Variants in OC90 observed in about 807,000 individuals in gnomAD.
OC90 encodes the protein otoconin 90, also known as otoconin-90.
A neutral mutation model predicts 47.3 loss-of-function variants in OC90; 46 were observed. The ratio of observed to expected loss-of-function variants is 0.97; its 90% CI spans 0.77 to 1.24. The LOEUF is 1.24. OC90 is among the 50% of genes most tolerant of loss of function. The probability of loss-of-function intolerance (pLI) is 0.00; values close to 1 mark genes in which losing one functional copy is unlikely to be tolerated. For synonymous variants in OC90, 271 were observed against 219.5 expected, an observed-to-expected ratio of 1.23 and a Z score of -2.07; for missense variants, 688 against 583.9, an observed-to-expected ratio of 1.18 and a Z score of -1.84.
In OC90 at chr8:132,037,464, G is replaced by A. The variant is rs374377948; in HGVS notation, c.653C>T (p.Thr218Ile). The change falls in exon 9 of 14, where the codon ACC becomes ATC. Residue 218 changes from threonine (T) to isoleucine (I), a missense_variant. Thr to Ile is a moderately conservative substitution (Grantham distance 89). Transcript: ENST00000254627. The part of the protein sequence containing the change: ...PRVVPVEPTD[T>I]SLTALSGEEA... Reference sequence around the variant, plus strand: ...TTCTCCTGAAAGGGCTGTCAGGCTGGTGTCTGTGGGCTCCACAGGAACCAC... The same window carrying A: ...TTCTCCTGAAAGGGCTGTCAGGCTGATGTCTGTGGGCTCCACAGGAACCAC... The A allele has an allele frequency of 5.7e-6, 9 of 1,582,376 alleles. No individual in the cohort carries two copies. The highest frequency in any genetic ancestry group is 2.7e-5 in the African/African-American group (2 of 74,368).
intron 11 of OC90, 60 bp downstream of exon 11, chr8:132,032,979 T>C: frequency 6.4e-7 from 1 of 1,568,530 alleles, no homozygotes; most frequent in Admixed American, 1.8e-5. Context: ...CTACGGTGAT[T>C]GTTCACAGCC....
chr8:132,029,519 C>T (rs190460553), intron 12 of OC90, among the ~76,000 whole-genome samples: 22 of 152,224 alleles, frequency 1.4e-4, no homozygotes, highest in Non-Finnish European at 2.4e-4. Context: ...GAAATAGAGT[C>T]TTAAGGAAGG....
At chr8:132,024,844 C>A in intron 13 of OC90, 68 bp from the exon 14 acceptor site, 1 of 1,371,838 alleles carries the variant, frequency 7.3e-7, no homozygotes, top group East Asian at 2.4e-5. Flanking sequence ...CCCCACGGCC[C>A]TGGCCACCCC....
intron 4 of OC90, among the ~76,000 whole-genome samples, chr8:132,042,888 T>C (rs894716637): frequency 1.3e-5 from 2 of 152,214 alleles, no homozygotes; most frequent in African/African-American, 4.8e-5. Flanking sequence ...ATAGAACTGC[T>C]ATTTGACCCA....
intron 1 of OC90, among the ~76,000 whole-genome samples, chr8:132,056,330 G>T (rs776146550): frequency 5.9e-5 from 9 of 152,198 alleles, no homozygotes; most frequent in Non-Finnish European, 1.3e-4. Context: ...CTGTGAGCAA[G>T]GCTTGGTATT....
chr8:132,037,038 C>G (rs1563730422), intron 9 of OC90, among the ~76,000 whole-genome samples: 1 of 152,206 alleles, frequency 6.6e-6, no homozygotes, highest in South Asian at 2.1e-4. Flanking sequence ...GAATGATAGA[C>G]TAGCTCTCAG....
At chr8:132,055,732 T>G (rs1823272457) in intron 1 of OC90, among the ~76,000 whole-genome samples, 1 of 152,146 alleles carries the variant, frequency 6.6e-6, no homozygotes, top group Non-Finnish European at 1.5e-5. Context: ...TCCTGAGAGT[T>G]CAATAGATAC....
intron 6 of OC90, among the ~76,000 whole-genome samples, chr8:132,040,557 G>C (rs75304799): frequency 6.6e-6 from 1 of 152,098 alleles, no homozygotes. Flanking sequence ...ACCACCGCAC[G>C]CCTTATTCAC....
chr8:132,054,261 C>T (rs1823252969), intron 2 of OC90, among the ~76,000 whole-genome samples: 1 of 152,192 alleles, frequency 6.6e-6, no homozygotes, highest in Non-Finnish European at 1.5e-5. Context: ...GATGACCTTG[C>T]CAGCTTACAT....
rs1313441082 is a variant in OC90, at chr8:132,041,052, ATCT to A, written c.446_448del (p.Lys149del). 3.2e-6 allele frequency: 5 copies of A among 1,585,824 alleles called. No homozygotes were observed. The African/African-American group carries it at 4.0e-5, about 13-fold the overall frequency. On this transcript the variant is annotated inframe_deletion, in exon 6 of 14. Coordinates refer to ENST00000254627, the MANE Select transcript of OC90 (RefSeq NM_001080399.3). Reference sequence around the variant, plus strand: ...CACCTGGAGATGCTTACCACATATGATCTTCTTGCTGACACAATTGACCTCTGT... The same window carrying A: ...CACCTGGAGATGCTTACCACATATGATCTTGCTGACACAATTGACCTCTGT...
chr8:132,043,276 G>T (rs998249627), intron 4 of OC90, among the ~76,000 whole-genome samples: 28 of 152,190 alleles, frequency 1.8e-4, no homozygotes, highest in African/African-American at 6.8e-4. Context: ...CATTTGTTTT[G>T]TCTGTTGTCC....
rs140739083 is a variant in OC90 at position 132,053,144 on chromosome 8, G to A, written c.46+1837C>T. Among the ~76,000 whole-genome samples, 228 of 152,194 alleles carry A rather than the reference G, an allele frequency of 1.5e-3. 2 individuals carry two copies. The highest frequency in any genetic ancestry group is 0.013 in the Admixed American group (195 of 15,284). ...CTGACATTTTATGGTTCCATTCAAA[G>A]TTCAAGGATCCCTGCCTGACCCCCA... On this transcript the variant is annotated intron_variant, in intron 2 of 13. Coordinates refer to ENST00000254627, the MANE Select transcript of OC90 (RefSeq NM_001080399.3).
In OC90 at chr8:132,029,081, G is replaced by A. The variant is rs760108527; in HGVS notation, c.1130C>T (p.Thr377Met). ...PWSPVVCVDHTPKCGGQSLCE... is the reference protein window; with the variant it reads ...PWSPVVCVDHMPKCGGQSLCE... ...CAACCAACAGCACTTACACTTGGGCGTATGATCCACACACACCACCGGTGA... is the reference window on the plus strand; with the variant it reads ...CAACCAACAGCACTTACACTTGGGCATATGATCCACACACACCACCGGTGA... The change falls in exon 13 of 14, where the codon ACG becomes ATG. Residue 377 changes from threonine (T) to methionine (M), a missense_variant. Thr to Met is a moderately conservative substitution (Grantham distance 81). Transcript: ENST00000254627. The A allele has an allele frequency of 5.8e-5, 93 of 1,611,358 alleles. No homozygotes were observed. Among genetic ancestry groups the A allele is most frequent in the Non-Finnish European group, 7.4e-5 (87 of 1,177,536 alleles).
At chr8:132,052,888 C>T (rs1237895051) in intron 2 of OC90, among the ~76,000 whole-genome samples, 3 of 152,030 alleles carry the variant, frequency 2.0e-5, no homozygotes, top group South Asian at 2.1e-4. Context: ...TGAGACTCTT[C>T]GATGAAGCTA....
chr8:132,026,093 T>A (rs982153661), intron 13 of OC90, among the ~76,000 whole-genome samples: 4 of 152,242 alleles, frequency 2.6e-5, no homozygotes, highest in Non-Finnish European at 2.9e-5. Flanking sequence ...GTTCATTGAT[T>A]ATCTGAAATT....
chr8:132,046,400 G>A (rs571438284), intron 2 of OC90, among the ~76,000 whole-genome samples: 2 of 152,328 alleles, frequency 1.3e-5, no homozygotes, highest in South Asian at 4.2e-4. Context: ...CTGGGACTCA[G>A]AAAGAAGCAA....
At chr8:132,054,040 T>G (rs1586717223) in intron 2 of OC90, among the ~76,000 whole-genome samples, 2 of 152,162 alleles carry the variant, frequency 1.3e-5, no homozygotes. Flanking sequence ...AGATTGCTAC[T>G]GGGGCAGCCA....
chr8:132,032,012 G>T lies in OC90; in HGVS notation c.900C>A (p.Asp300Glu), dbSNP rs778904804. ...RFTFLHLGSGDNMQVMPQLGE... is the reference protein window; with the variant it reads ...RFTFLHLGSGENMQVMPQLGE... The stretch of plus-strand genomic sequence containing the variant: ...CAAGCTGTGGCATCACCTGCATGTT[G>T]TCCCCACTTCCCAGGTGCAGGAAGG... Residue 300 changes from aspartate (D) to glutamate (E), a missense_variant, in exon 12 of 14, where the codon GAC (aspartate) becomes GAA (glutamate). Asp to Glu is a conservative substitution (Grantham distance 45). Transcript: ENST00000254627. The T allele has an allele frequency of 6.2e-7, 1 of 1,613,860 alleles. No individual in the cohort carries two copies. Among genetic ancestry groups the T allele is most frequent in the African/African-American group, 1.3e-5 (1 of 74,924 alleles).
chr8:132,032,833 C>G (rs1336695733), intron 11 of OC90, among the ~76,000 whole-genome samples: 2 of 152,192 alleles, frequency 1.3e-5, no homozygotes, highest in Non-Finnish European at 2.9e-5. Context: ...GCTCCTCCCC[C>G]CAGGCTCAGC....
Sources: gnomAD v4.1 joint callset for allele counts (sites outside exome capture counted in the v4.1 genomes callset) on GRCh38, gnomAD v4.1.1 for gene constraint, MANE v1.5 for transcripts, NCBI Gene and HGNC (gene_info 2026-07-23, HGNC 2026-07-21) for gene names.